Variants in SLC35B4 observed in about 807,000 individuals in gnomAD.
SLC35B4 encodes nucleotide sugar transporter SLC35B4.
In SLC35B4, 28 loss-of-function variants were observed where a neutral mutation model predicts 39.5. The observed-to-expected ratio is 0.71, with a 90% CI of 0.53 to 0.97. The LOEUF is 0.97. Ranked by LOEUF, SLC35B4 falls within the 50% of genes least tolerant of loss-of-function variation. SLC35B4 has a pLI of 0.00. For missense variants in SLC35B4, 334 were observed against 414.3 expected, an observed-to-expected ratio of 0.81 and a Z score of 1.68; for synonymous variants, 145 against 150.4, an observed-to-expected ratio of 0.96 and a Z score of 0.26.
intron 1 of SLC35B4, 88 bp downstream of exon 1, chr7:134,316,587 G>A: frequency 7.2e-7 from 1 of 1,379,492 alleles, no homozygotes; most frequent in Non-Finnish European, 1.0e-6. Flanking sequence ...GGTGGGGACA[G>A]GGCGTGGGCG....
upstream of SLC35B4, among the ~76,000 whole-genome samples, chr7:134,319,778 C>T (rs1563222067): frequency 6.6e-6 from 1 of 152,172 alleles, no homozygotes. Context: ...TACTCTACTT[C>T]TTCTCTTTGG....
intron 3 of SLC35B4, among the ~76,000 whole-genome samples, chr7:134,305,561 C>T (rs1456021561): frequency 6.6e-6 from 1 of 152,152 alleles, no homozygotes; most frequent in Non-Finnish European, 1.5e-5. Context: ...GAAGCCAGGG[C>T]TAGCACGAAT....
Position 134,294,992 on chromosome 7 carries a change from C to T in SLC35B4, c.837G>A (p.Val279=). 6.2e-7 allele frequency: 1 copy of T among 1,614,130 alleles called. No homozygotes were observed. Among genetic ancestry groups the T allele is most frequent in the Admixed American group, 1.7e-5 (1 of 60,018 alleles). The change falls in exon 10 of 10, where the codon GTG becomes GTA. Residue 279 remains valine, a synonymous_variant. Transcript: ENST00000378509. ...AGTACAAGATGGAAAAGATGAGGCT[C>T]ACAAATTTGCGTAGGGTCACGACGA... ...VTLVVTLRKF[V]SLIFSILYFQ...
At chr7:134,297,431 C>G (rs1216608892) in intron 8 of SLC35B4, among the ~76,000 whole-genome samples, 1 of 152,118 alleles carries the variant, frequency 6.6e-6, no homozygotes, top group African/African-American at 2.4e-5. Context: ...CATTAAAGTA[C>G]TATACATAAT....
intron 3 of SLC35B4, among the ~76,000 whole-genome samples, chr7:134,305,657 C>T (rs1803692080): frequency 6.6e-6 from 1 of 152,084 alleles, no homozygotes; most frequent in South Asian, 2.1e-4. Context: ...ATTACCTGCA[C>T]CTTCTACCCC....
chr7:134,316,663 C>G lies in SLC35B4; in HGVS notation c.77+12G>C, dbSNP rs1160133585. The G allele has an allele frequency of 3.2e-6, 5 of 1,549,292 alleles. No individual in the cohort carries two copies. In the South Asian group the frequency reaches 6.0e-5, roughly 18 times the overall value. On this transcript the variant is annotated intron_variant, in intron 1 of 9. Coordinates refer to ENST00000378509, the MANE Select transcript of SLC35B4 (RefSeq NM_032826.5). ...CCCGGGAGACCGGGTGCGGCCCGAG[C>G]GGGTCACTCACCGGGCCAGGAGCTC...
In SLC35B4 at chr7:134,300,002, C is replaced by A. The variant is rs190330821; in HGVS notation, c.597+150G>T. On this transcript the variant is annotated intron_variant, in intron 7 of 9. Coordinates refer to ENST00000378509, the MANE Select transcript of SLC35B4 (RefSeq NM_032826.5). ...AACTGTGACTTGGAACCCACCAGAG[C>A]ATCCCATCAAAACTGCTTCAGTCTG... 5.2e-6 allele frequency: 3 copies of A among 578,614 alleles called. No homozygotes were observed. The East Asian group carries it at 8.6e-5, about 17-fold the overall frequency. 35.8% of individuals were successfully genotyped at this position (578,614 alleles called of 1,614,324 possible).
chr7:134,289,507 C>G lies in SLC35B4; in HGVS notation c.*5326G>C, dbSNP rs539762429. The G allele has an allele frequency of 5.9e-5, 9 of 152,762 alleles. No individual in the cohort carries two copies. The East Asian group carries it at 1.7e-3, about 29-fold the overall frequency. 9.5% of individuals were successfully genotyped at this position (152,762 alleles called of 1,614,324 possible). Reference sequence around the variant, plus strand: ...CTCAGCTTTCTACTCCCTCCTCCCCCATCTTTGTTCTTAAAACCTAATGGT... The same window carrying G: ...CTCAGCTTTCTACTCCCTCCTCCCCGATCTTTGTTCTTAAAACCTAATGGT... On this transcript the variant is annotated 3_prime_UTR_variant, in exon 10 of 10. Coordinates refer to ENST00000378509, the MANE Select transcript of SLC35B4 (RefSeq NM_032826.5).
At chr7:134,297,355 A>C (rs930678096) in intron 8 of SLC35B4, among the ~76,000 whole-genome samples, 1 of 152,278 alleles carries the variant, frequency 6.6e-6, no homozygotes, top group African/African-American at 2.4e-5. Context: ...GGTCTATAAA[A>C]GTATTCCTAC....
intron 1 of SLC35B4, among the ~76,000 whole-genome samples, chr7:134,315,773 C>T (rs1803958907): frequency 2.0e-5 from 3 of 152,150 alleles, no homozygotes; most frequent in African/African-American, 7.2e-5. Context: ...TGTTTTACTG[C>T]CAGGAAAAGG....
In SLC35B4 at chr7:134,306,669, T is replaced by C; in HGVS notation, c.294+3A>G. 1 of 1,610,514 alleles carries C rather than the reference T, an allele frequency of 6.2e-7. No individual in the cohort carries two copies. The highest frequency in any genetic ancestry group is 8.5e-7 in the Non-Finnish European group (1 of 1,177,006). On this transcript the variant is annotated splice_donor_region_variant and intron_variant, in intron 3 of 9. Coordinates refer to ENST00000378509, the MANE Select transcript of SLC35B4 (RefSeq NM_032826.5). ...CATATACACGTGATCCGGCAGCACT[T>C]ACGGATCTAAATATCATATGCAGGG...
intron 1 of SLC35B4, among the ~76,000 whole-genome samples, chr7:134,314,271 A>G (rs1261764537): frequency 6.6e-6 from 1 of 152,186 alleles, no homozygotes; most frequent in Non-Finnish European, 1.5e-5. Flanking sequence ...TCACATGCGC[A>G]TCTCACTTCA....
intron 4 of SLC35B4, among the ~76,000 whole-genome samples, chr7:134,302,333 A>C (rs1803602292): frequency 6.6e-6 from 1 of 152,186 alleles, no homozygotes; most frequent in South Asian, 2.1e-4. Context: ...TCTGTCTCCA[A>C]CAATTTGCTG....
At position 134,294,951 on chromosome 7, in the gene SLC35B4, G is replaced by A; in HGVS notation, c.878C>T (p.Thr293Ile). 6.2e-7 allele frequency: 1 copy of A among 1,614,210 alleles called. No homozygotes were observed. Among genetic ancestry groups the A allele is most frequent in the African/African-American group, 1.3e-5 (1 of 75,036 alleles). ...CAAGGTGCCCAGCCAGTGCCACAGG[G>A]TGAAGGGGTTCTGGAAGTACAAGAT... ...FSILYFQNPF[T>I]LWHWLGTLFV... Residue 293 changes from threonine to isoleucine, a missense_variant, in exon 10 of 10, where the codon ACC (threonine) becomes ATC (isoleucine). Transcript: ENST00000378509.
At chr7:134,310,777 G>C (rs575543600) in intron 1 of SLC35B4, among the ~76,000 whole-genome samples, 2 of 152,154 alleles carry the variant, frequency 1.3e-5, no homozygotes, top group African/African-American at 4.8e-5. Flanking sequence ...TCCACCTCCT[G>C]ACCTTGCGAT....
intron 1 of SLC35B4, among the ~76,000 whole-genome samples, 165 bp from the exon 2 acceptor site, chr7:134,309,644 T>C (rs186496093): frequency 2.6e-5 from 4 of 152,342 alleles, no homozygotes; most frequent in East Asian, 3.9e-4. Flanking sequence ...ATACTTAGCA[T>C]TGATCTCACA....
chr7:134,295,264 A>G, intron 9 of SLC35B4, 185 bp from the exon 10 acceptor site: 1 of 666,082 alleles, frequency 1.5e-6, no homozygotes, highest in Non-Finnish European at 2.5e-6. Flanking sequence ...CATTCCATTT[A>G]TGGGTACCAA....
At chr7:134,314,091 C>A (rs755818223) in intron 1 of SLC35B4, among the ~76,000 whole-genome samples, 1 of 152,100 alleles carries the variant, frequency 6.6e-6, no homozygotes, top group Non-Finnish European at 1.5e-5. Context: ...TAAATAGGAG[C>A]TCCTATAATG....
At chr7:134,306,181 C>T (rs1002117876) in intron 3 of SLC35B4, among the ~76,000 whole-genome samples, 28 of 151,208 alleles carry the variant, frequency 1.9e-4, no homozygotes, top group Non-Finnish European at 3.2e-4. Context: ...AATTATCAGC[C>T]TTTTTTGCCT....
Sources: allele counts gnomAD v4.1 joint callset (sites outside exome capture counted in the v4.1 genomes callset), GRCh38; gene constraint gnomAD v4.1.1; transcripts MANE v1.5; gene names NCBI Gene and HGNC (gene_info 2026-07-23, HGNC 2026-07-21).